The following MCF2L2 variants were observed in gnomAD, a reference collection of about 807,000 sequenced individuals.
MCF2L2 encodes probable guanine nucleotide exchange factor MCF2L2.
MCF2L2 carries 102 observed loss-of-function variants against 150.2 expected under a neutral mutation model. The observed-to-expected ratio is 0.68, with a 90% CI of 0.58 to 0.80. The LOEUF (loss-of-function observed/expected upper bound fraction) is 0.80, where lower values mean the gene tolerates loss of function less well. Ranked by LOEUF, MCF2L2 falls within the 30% of genes least tolerant of loss-of-function variation. MCF2L2 has a pLI of 0.00. For missense variants in MCF2L2, 1,256 were observed against 1,372.8 expected (o/e 0.91, Z 1.34); for synonymous variants, 465 against 491.3 (o/e 0.95, Z 0.71).
At chr3:183,309,447 G>A (rs1729260160) in intron 10 of MCF2L2, among the ~76,000 whole-genome samples, 1 of 152,112 alleles carries the variant, frequency 6.6e-6, no homozygotes, top group Non-Finnish European at 1.5e-5. Flanking sequence ...CTGACCACGT[G>A]AGAGGGCAGG....
At chr3:183,418,756 C>A (rs1715723437) in intron 1 of MCF2L2, among the ~76,000 whole-genome samples, 2 of 152,254 alleles carry the variant, frequency 1.3e-5, no homozygotes, top group African/African-American at 4.8e-5. Flanking sequence ...GATGGGCTCC[C>A]AAGGCCTTGG....
intron 5 of MCF2L2, among the ~76,000 whole-genome samples, chr3:183,326,517 C>CA (rs796603143): frequency 0.062 from 6,359 of 101,864 alleles, 233 homozygotes; most frequent in Non-Finnish European, 0.1. Context: ...AAAAAAAAAA[C>CA]AAAAAAAAAC....
intron 3 of MCF2L2, among the ~76,000 whole-genome samples, chr3:183,364,969 G>A (rs1712440757): frequency 6.6e-6 from 1 of 152,072 alleles, no homozygotes; most frequent in Admixed American, 6.6e-5. Context: ...TTGTTTCAGA[G>A]CTCTAAAAAA....
At chr3:183,280,647 G>A (rs1406702172) in intron 14 of MCF2L2, among the ~76,000 whole-genome samples, 2 of 151,930 alleles carry the variant, frequency 1.3e-5, no homozygotes, top group East Asian at 1.9e-4. Flanking sequence ...TCAGGAGTTC[G>A]AGATCAGCCT....
chr3:183,279,149 A>T (rs1417838088), intron 14 of MCF2L2, among the ~76,000 whole-genome samples: 3 of 151,894 alleles, frequency 2.0e-5, no homozygotes, highest in Non-Finnish European at 4.4e-5. Context: ...ACTCACAAGA[A>T]GTACATAACA....
chr3:183,337,720 C>A (rs959590627), intron 5 of MCF2L2, among the ~76,000 whole-genome samples: 53 of 152,038 alleles, frequency 3.5e-4, no homozygotes, highest in Non-Finnish European at 5.9e-4. Context: ...AATCTTTTAC[C>A]TTTATAAACA....
chr3:183,291,286 T>C (rs1236903074), intron 13 of MCF2L2, among the ~76,000 whole-genome samples: 1 of 152,184 alleles, frequency 6.6e-6, no homozygotes, highest in Non-Finnish European at 1.5e-5. Flanking sequence ...CTGCCAGTGT[T>C]CAAACCTTGC....
Position 183,179,277 on chromosome 3 carries a change from C to T in MCF2L2, c.*103G>A. On this transcript the variant is annotated 3_prime_UTR_variant, in exon 30 of 30. Transcript: ENST00000328913. The surrounding 1 kb of genome is among the most constrained non-coding windows in gnomAD (Gnocchi z 4.2). ...TCCCCTTTCTGCCGCCGCCGAGGCTCCGGCTGCTTTCTGCGTAGCTGGGCA... is the reference window on the plus strand; with the variant it reads ...TCCCCTTTCTGCCGCCGCCGAGGCTTCGGCTGCTTTCTGCGTAGCTGGGCA... 2 of 1,342,306 alleles carry T rather than the reference C, an allele frequency of 1.5e-6. No individual in the cohort carries two copies. Among genetic ancestry groups the T allele is most frequent in the Non-Finnish European group, 1.9e-6 (2 of 1,049,658 alleles). 83.1% of individuals were successfully genotyped at this position (1,342,306 alleles called of 1,614,324 possible).
At chr3:183,262,440 A>C (rs773670468) in intron 15 of MCF2L2, among the ~76,000 whole-genome samples, 1 of 151,948 alleles carries the variant, frequency 6.6e-6, no homozygotes, top group Non-Finnish European at 1.5e-5. Context: ...TTCACTGTGG[A>C]TTTTTTTCAG....
At chr3:183,262,653 G>A (rs980176058) in intron 15 of MCF2L2, among the ~76,000 whole-genome samples, 4 of 151,478 alleles carry the variant, frequency 2.6e-5, no homozygotes, top group African/African-American at 9.7e-5. Context: ...GGGAGGAGGA[G>A]CTGATGGTGT....
At chr3:183,385,524 C>CTGCTT (rs1713781478) in intron 2 of MCF2L2, among the ~76,000 whole-genome samples, 5 of 152,214 alleles carry the variant, frequency 3.3e-5, no homozygotes, top group African/African-American at 1.2e-4. Context: ...ATTTCTTCAT[C>CTGCTT]AATTATTTTC....
chr3:183,318,403 C>T (rs1191295899), intron 6 of MCF2L2, among the ~76,000 whole-genome samples, 186 bp from the exon 7 acceptor site: 1 of 152,170 alleles, frequency 6.6e-6, no homozygotes, highest in Non-Finnish European at 1.5e-5. Context: ...AATGCTGCCA[C>T]TAGTTGACCA....
chr3:183,391,947 G>A (rs968451230), intron 1 of MCF2L2, among the ~76,000 whole-genome samples: 1 of 152,046 alleles, frequency 6.6e-6, no homozygotes, highest in Non-Finnish European at 1.5e-5. Context: ...GAGTGCAGTG[G>A]CATAATCATA....
intron 1 of MCF2L2, 137 bp from the exon 2 acceptor site, chr3:183,389,916 G>A: frequency 3.0e-6 from 2 of 673,284 alleles, no homozygotes; most frequent in Non-Finnish European, 2.6e-6. Context: ...ACATTCCCTT[G>A]AGAACTTGAT....
intron 15 of MCF2L2, among the ~76,000 whole-genome samples, chr3:183,262,308 T>C (rs1385191077): frequency 6.6e-6 from 1 of 151,974 alleles, no homozygotes; most frequent in East Asian, 1.9e-4. Context: ...TCCATGGAAG[T>C]TGGCAATATT....
intron 5 of MCF2L2, among the ~76,000 whole-genome samples, chr3:183,326,492 CAAAAAAAAAAAA>C (rs890481068): frequency 3.9e-3 from 153 of 39,440 alleles, no homozygotes; most frequent in African/African-American, 0.013. Flanking sequence ...AACTCCGTCT[CAAAAAAAAAAAA>C]AAAAAAAAAA....
At chr3:183,346,772 CAG>C (rs761758870) in intron 3 of MCF2L2, among the ~76,000 whole-genome samples, 1 of 152,124 alleles carries the variant, frequency 6.6e-6, no homozygotes, top group African/African-American at 2.4e-5. Context: ...CAACAATAGA[CAG>C]AGAGCCAAAT....
At position 183,179,614 on chromosome 3, in the gene MCF2L2, T is replaced by C. The variant is rs1721445054; in HGVS notation, c.3184A>G (p.Ser1062Gly). The change falls in exon 29 of 30, where the codon AGC (serine) becomes GGC (glycine). Residue 1062 changes from serine to glycine, a missense_variant. By Grantham distance (56) the Ser-to-Gly change is moderately conservative. Transcript: ENST00000328913. This position sits in a 1 kb window ranked among gnomAD's most constrained non-coding sequence, Gnocchi z 4.2. ...KSAFLERGESSQGEKEERDEE... is the reference protein window; with the variant it reads ...KSAFLERGESGQGEKEERDEE... ...TCGCGTTCTTCTTTTTCTCCCTGGC[T>C]GCTTTCTCCCCTCTCCAGGAAAGCA... is the stretch of plus-strand genomic sequence containing the variant. 1.2e-6 allele frequency: 2 copies of C among 1,614,074 alleles called. No individual in the cohort carries two copies. Among genetic ancestry groups the C allele is most frequent in the Admixed American group, 3.3e-5 (2 of 60,010 alleles).
chr3:183,218,395 G>C (rs1325366040), intron 21 of MCF2L2, among the ~76,000 whole-genome samples: 2 of 152,162 alleles, frequency 1.3e-5, no homozygotes, highest in Non-Finnish European at 2.9e-5. Flanking sequence ...CAGCACTTTG[G>C]GAGGCCGAGG....
Sources: gnomAD v4.1 joint callset for allele counts (sites outside exome capture counted in the v4.1 genomes callset) on GRCh38, gnomAD v4.1.1 for gene constraint, Gnocchi (gnomAD v3.1) non-coding constraint, MANE v1.5 for transcripts, NCBI Gene and HGNC (gene_info 2026-07-23, HGNC 2026-07-21) for gene names.